Variants in GPR158 observed in about 807,000 individuals in gnomAD.
GPR158 encodes the protein G protein-coupled receptor 158.
GPR158 carries 30 observed loss-of-function variants against 78.2 expected under a neutral mutation model. The ratio of observed to expected loss-of-function variants is 0.38; its 90% confidence interval spans 0.29 to 0.52. The LOEUF (loss-of-function observed/expected upper bound fraction) is 0.52, where lower values mean the gene tolerates loss of function less well. Ranked by LOEUF, GPR158 falls within the 20% of genes least tolerant of loss-of-function variation. The probability of loss-of-function intolerance (pLI) is 0.83; values close to 1 mark genes in which losing one functional copy is unlikely to be tolerated. For missense variants in GPR158, 1,463 were observed against 1,523.5 expected (o/e 0.96, Z 0.66); for synonymous variants, 581 against 591.1 (o/e 0.98, Z 0.25).
Position 25,599,301 on chromosome 10 carries a change from G to C in GPR158, c.*27G>C, listed in dbSNP as rs1390786276. 17 of 1,510,436 alleles carry C rather than the reference G, an allele frequency of 1.1e-5. No homozygotes were observed. In the Admixed American group the frequency reaches 3.1e-4, roughly 27 times the overall value. The allele number at this position is 1,510,436 out of a possible 1,614,324, so 93.6% of individuals were successfully genotyped here. A position where few individuals can be genotyped will look rare whatever the true frequency, so the allele number is the denominator to read the frequency against. On this transcript the variant is annotated 3_prime_UTR_variant, in exon 11 of 11. Transcript: ENST00000376351. ...ATCTCCAGGAAGAAGAGGAAAAGGA[G>C]GGAACCCCGGATTGGATATGAGACA... is the stretch of plus-strand genomic sequence containing the variant.
chr10:25,213,755 T>G (rs910145194), intron 1 of GPR158, among the ~76,000 whole-genome samples: 1 of 152,188 alleles, frequency 6.6e-6, no homozygotes, highest in African/African-American at 2.4e-5. Context: ...TGATTTAAAT[T>G]TTTTATGCTT....
chr10:25,238,072 C>A (rs780254971), intron 2 of GPR158, among the ~76,000 whole-genome samples: 1 of 151,928 alleles, frequency 6.6e-6, no homozygotes, highest in Non-Finnish European at 1.5e-5. Flanking sequence ...TCTCCTTCTT[C>A]TTCCTTCTTT....
At chr10:25,243,757 G>A (rs1818483812) in intron 2 of GPR158, among the ~76,000 whole-genome samples, 2 of 152,170 alleles carry the variant, frequency 1.3e-5, no homozygotes, top group South Asian at 4.1e-4. Context: ...ACCAGCCAGA[G>A]ATATGATGCC....
At chr10:25,282,245 C>T (rs1854285844) in intron 2 of GPR158, among the ~76,000 whole-genome samples, 1 of 152,114 alleles carries the variant, frequency 6.6e-6, no homozygotes, top group African/African-American at 2.4e-5. Context: ...CCCTTTCAGC[C>T]TGGCTTCTTT....
rs368172031 is a variant in GPR158 at position 25,305,209 on chromosome 10, A to C, written c.1008+84052A>C. ...ATTGTTATATGTCAGAAGTAGCGTG[A>C]TGGCAAATCTGTTCCAGTTTGGCGG... On this transcript the variant is annotated intron_variant, in intron 2 of 10. Coordinates refer to ENST00000376351, the MANE Select transcript of GPR158 (RefSeq NM_020752.3). 7.2e-5 allele frequency among the ~76,000 whole-genome samples: 11 copies of C among 152,340 alleles called. No individual in the cohort carries two copies. In the South Asian group the frequency reaches 2.1e-3, roughly 29 times the overall value.
chr10:25,581,966 G>C lies in GPR158; in HGVS notation c.1754-7041G>C, dbSNP rs550084593. 2.8e-4 allele frequency among the ~76,000 whole-genome samples: 42 copies of C among 152,264 alleles called. 1 individual carries two copies. The highest frequency in any genetic ancestry group is 2.4e-3 in the Admixed American group (37 of 15,298). On this transcript the variant is annotated intron_variant, in intron 7 of 10. Coordinates refer to ENST00000376351, the MANE Select transcript of GPR158 (RefSeq NM_020752.3). The stretch of plus-strand genomic sequence containing the variant: ...TCACAATCATGGTGGAAGGTGAAAG[G>C]CACGTCTTAAATGGCGGCAGGCAAC...
At chr10:25,241,936 G>C (rs568677153) in intron 2 of GPR158, among the ~76,000 whole-genome samples, 2 of 152,142 alleles carry the variant, frequency 1.3e-5, no homozygotes, top group Non-Finnish European at 2.9e-5. Context: ...ATTTTAAAAA[G>C]TCTCTTGTAC....
At chr10:25,544,284 T>G (rs940775702) in intron 5 of GPR158, among the ~76,000 whole-genome samples, 4 of 107,094 alleles carry the variant, frequency 3.7e-5, no homozygotes, top group African/African-American at 2.2e-4. Context: ...ATCAGCATAG[T>G]GTTTTATTTT....
At chr10:25,536,180 T>G (rs1173494290) in intron 5 of GPR158, among the ~76,000 whole-genome samples, 1 of 152,196 alleles carries the variant, frequency 6.6e-6, no homozygotes, top group Non-Finnish European at 1.5e-5. Context: ...ATTTTACAAA[T>G]AAAAGTCTTC....
chr10:25,378,248 G>C (rs1043427304), intron 2 of GPR158, among the ~76,000 whole-genome samples: 2 of 152,090 alleles, frequency 1.3e-5, no homozygotes, highest in Admixed American at 1.3e-4. Context: ...CTTTAGAAAG[G>C]TAACAACTAT....
chr10:25,379,688 A>T, intron 2 of GPR158, among the ~76,000 whole-genome samples: 1 of 71,136 alleles, frequency 1.4e-5, no homozygotes, highest in African/African-American at 5.0e-5. Flanking sequence ...TCTCTCTGAG[A>T]TTTTGTCTTC....
At chr10:25,557,377 T>G (rs1022434427) in intron 6 of GPR158, among the ~76,000 whole-genome samples, 1 of 152,198 alleles carries the variant, frequency 6.6e-6, no homozygotes, top group African/African-American at 2.4e-5. Flanking sequence ...TGGAGCTCCC[T>G]CGGAATCTTG....
chr10:25,348,185 A>G (rs1301494431), intron 2 of GPR158, among the ~76,000 whole-genome samples: 2 of 151,936 alleles, frequency 1.3e-5, no homozygotes, highest in African/African-American at 4.8e-5. Context: ...TCGGTAGGTT[A>G]TATAGGTTTT....
chr10:25,546,481 TG>T (rs138300136), intron 5 of GPR158, among the ~76,000 whole-genome samples: 2,491 of 152,294 alleles, frequency 0.016, 54 homozygotes, highest in African/African-American at 0.057. Flanking sequence ...TATTCCCTTT[TG>T]CCTCAACAAA....
chr10:25,463,692 C>T lies in GPR158; in HGVS notation c.1336-2959C>T, dbSNP rs921977721. ...TATTTTGCTCATTGTCTCTCTCATCCATCTTCAATTTTCAACCACCGCCCC... is the reference window on the plus strand; with the variant it reads ...TATTTTGCTCATTGTCTCTCTCATCTATCTTCAATTTTCAACCACCGCCCC... On this transcript the variant is annotated intron_variant, in intron 4 of 10. Transcript: ENST00000376351. 2.0e-5 allele frequency among the ~76,000 whole-genome samples: 3 copies of T among 151,984 alleles called. No individual in the cohort carries two copies. In the South Asian group the frequency reaches 6.2e-4, roughly 32 times the overall value.
At chr10:25,523,481 G>A (rs1262014882) in intron 5 of GPR158, among the ~76,000 whole-genome samples, 9 of 152,176 alleles carry the variant, frequency 5.9e-5, no homozygotes, top group East Asian at 1.9e-4. Context: ...CAGAGTTCCC[G>A]TAAAAGGTTT....
intron 8 of GPR158, among the ~76,000 whole-genome samples, chr10:25,593,219 C>T (rs1483831917): frequency 2.0e-5 from 3 of 151,814 alleles, no homozygotes; most frequent in Non-Finnish European, 1.5e-5. Context: ...CTTAGGGGAG[C>T]AGCATGGAGG....
intron 2 of GPR158, among the ~76,000 whole-genome samples, chr10:25,380,508 G>C (rs976899801): frequency 6.6e-6 from 1 of 151,926 alleles, no homozygotes; most frequent in Non-Finnish European, 1.5e-5. Flanking sequence ...AATTAGTAAT[G>C]TATTACATTT....
intron 2 of GPR158, among the ~76,000 whole-genome samples, chr10:25,258,289 G>C (rs920870655): frequency 2.0e-5 from 3 of 152,168 alleles, no homozygotes; most frequent in African/African-American, 7.2e-5. Flanking sequence ...CTCATACACT[G>C]AATGTAGAAC....
Sources: allele counts gnomAD v4.1 joint callset (sites outside exome capture counted in the v4.1 genomes callset), GRCh38; gene constraint gnomAD v4.1.1; transcripts MANE v1.5; gene names NCBI Gene and HGNC (gene_info 2026-07-23, HGNC 2026-07-21).